GPR139: variants seen among roughly 807,000 people sequenced by gnomAD.
The protein encoded by GPR139 is G protein-coupled receptor 139, also known as probable G protein-coupled receptor 139.
In GPR139, 12 loss-of-function variants were observed where a neutral mutation model predicts 25.8. That is an observed-to-expected ratio of 0.47 (90% CI 0.30 to 0.75). The LOEUF is 0.75. Ranked by LOEUF, GPR139 falls within the 30% of genes least tolerant of loss-of-function variation. The probability of loss-of-function intolerance (pLI) is 0.07; values close to 1 mark genes in which losing one functional copy is unlikely to be tolerated. For synonymous variants in GPR139, 184 were observed against 179.9 expected, an observed-to-expected ratio of 1.02 and a Z score of -0.18; for missense variants, 380 against 450.2, an observed-to-expected ratio of 0.84 and a Z score of 1.41.
At chr16:20,070,234 C>A (rs562962699) in intron 1 of GPR139, among the ~76,000 whole-genome samples, 1 of 152,102 alleles carries the variant, frequency 6.6e-6, no homozygotes, top group Non-Finnish European at 1.5e-5. Flanking sequence ...AGGTATAGGT[C>A]GCAGAGGTGT....
Position 20,070,472 on chromosome 16 carries a change from G to A in GPR139, c.127+3018C>T, listed in dbSNP as rs139500068. ...AGGTGAAGAGTTCTTAAGTGGCAAA[G>A]CTGTACCCATATTTCACATTAGAAT... is the stretch of plus-strand genomic sequence containing the variant. On this transcript the variant is annotated intron_variant, in intron 1 of 1. Coordinates refer to ENST00000570682, the MANE Select transcript of GPR139 (RefSeq NM_001002911.4). 8.1e-4 allele frequency among the ~76,000 whole-genome samples: 124 copies of A among 152,312 alleles called. 2 individuals are homozygous for A. In the East Asian group the frequency reaches 0.02, roughly 24 times the overall value.
chr16:20,037,117 A>G (rs1446353083), intron 1 of GPR139, among the ~76,000 whole-genome samples: 1 of 152,180 alleles, frequency 6.6e-6, no homozygotes, highest in African/African-American at 2.4e-5. Context: ...ATGGGGTGGT[A>G]ACTTTTAGAT....
intron 1 of GPR139, among the ~76,000 whole-genome samples, chr16:20,059,176 G>C (rs961138314): frequency 6.6e-6 from 1 of 152,122 alleles, no homozygotes; most frequent in Non-Finnish European, 1.5e-5. Flanking sequence ...TCTTTGCTAA[G>C]CCCGTCTCAT....
chr16:20,033,309 G>A lies in GPR139; in HGVS notation c.128-640C>T, dbSNP rs571859035. ...ATCCTCATCTTAGGAATGAAGCTGG[G>A]GCTCTGAGAGCCTCACACAACCATG... On this transcript the variant is annotated intron_variant, in intron 1 of 1. Transcript: ENST00000570682. 3.3e-5 allele frequency among the ~76,000 whole-genome samples: 5 copies of A among 152,022 alleles called. No homozygotes were observed. In the South Asian group the frequency reaches 8.3e-4, roughly 25 times the overall value.
chr16:20,034,132 A>G (rs949499982), intron 1 of GPR139, among the ~76,000 whole-genome samples: 3 of 152,150 alleles, frequency 2.0e-5, no homozygotes, highest in Non-Finnish European at 4.4e-5. Flanking sequence ...AAATTTGAAC[A>G]CCGATAATGC....
At chr16:20,066,742 A>G (rs1406871705) in intron 1 of GPR139, among the ~76,000 whole-genome samples, 1 of 152,238 alleles carries the variant, frequency 6.6e-6, no homozygotes, top group African/African-American at 2.4e-5. Context: ...GGTTAATAGC[A>G]TTTATTGAAC....
intron 1 of GPR139, among the ~76,000 whole-genome samples, chr16:20,035,634 G>A (rs9929588): frequency 0.062 from 9,393 of 152,244 alleles, 382 homozygotes; most frequent in East Asian, 0.16. Context: ...TGTAGTGAAC[G>A]CTATGAAGGA....
Position 20,031,762 on chromosome 16 carries a change from A to T in GPR139, c.1035T>A (p.Asn345Lys). 6.2e-7 allele frequency: 1 copy of T among 1,614,096 alleles called. No homozygotes were observed. Among genetic ancestry groups the T allele is most frequent in the Non-Finnish European group, 8.5e-7 (1 of 1,180,008 alleles). ...IKMLVYQYDK[N>K]GKPIKVSP is the part of the protein sequence containing the mutation. ...ACGGGGATACTTTTATAGGTTTTCC[A>T]TTTTTGTCATACTGGTACACCAGCA... Residue 345 changes from asparagine (N) to lysine (K), a missense_variant, in exon 2 of 2, where the codon AAT (asparagine) becomes AAA (lysine). Asn to Lys is a moderately conservative substitution (Grantham distance 94, BLOSUM62 0). Coordinates refer to ENST00000570682, the MANE Select transcript of GPR139 (RefSeq NM_001002911.4).
chr16:20,073,775 G>A lies in GPR139; in HGVS notation c.-159C>T. 1.1e-6 allele frequency: 1 copy of A among 916,922 alleles called. No homozygotes were observed. Among genetic ancestry groups the A allele is most frequent in the Non-Finnish European group, 1.6e-6 (1 of 643,822 alleles). The allele number at this position is 916,922 out of a possible 1,614,324, so 56.8% of individuals were successfully genotyped here. A position where few individuals can be genotyped will look rare whatever the true frequency, so the allele number is the denominator to read the frequency against. Reference sequence around the variant, plus strand: ...CCTACCCTTGGCCGTGATCCCCTCTGCTCGCTCCGCACCTGCCCGCCTGGA... The same window carrying A: ...CCTACCCTTGGCCGTGATCCCCTCTACTCGCTCCGCACCTGCCCGCCTGGA... On this transcript the variant is annotated 5_prime_UTR_variant, in exon 1 of 2. Transcript: ENST00000570682. This position sits in a 1 kb window ranked among gnomAD's most constrained non-coding sequence, Gnocchi z 4.7.
chr16:20,051,308 C>T (rs1013146419), intron 1 of GPR139, among the ~76,000 whole-genome samples: 8 of 152,196 alleles, frequency 5.3e-5, no homozygotes, highest in African/African-American at 1.9e-4. Context: ...CCCTCCTCCG[C>T]GTCTTGGGTT....
rs2057285189 is a variant in GPR139 at position 20,030,826 on chromosome 16, A to C, written c.*909T>G. Among the ~76,000 whole-genome samples the C allele has an allele frequency of 6.6e-6, 1 of 152,212 alleles. No homozygotes were observed. The highest frequency in any genetic ancestry group is 2.4e-5 in the African/African-American group (1 of 41,462). On this transcript the variant is annotated 3_prime_UTR_variant, in exon 2 of 2. Coordinates refer to ENST00000570682, the MANE Select transcript of GPR139 (RefSeq NM_001002911.4). ...TGAGGGCCTCAGCAAGCAAGGAGGCAGGGTTGGCAACTTGACACGTAAAAA... is the reference window on the plus strand; with the variant it reads ...TGAGGGCCTCAGCAAGCAAGGAGGCCGGGTTGGCAACTTGACACGTAAAAA...
chr16:20,061,346 G>A (rs1363236163), intron 1 of GPR139, among the ~76,000 whole-genome samples: 1 of 151,812 alleles, frequency 6.6e-6, no homozygotes, highest in Non-Finnish European at 1.5e-5. Flanking sequence ...TGGGTGGATG[G>A]ATAGATGAAT....
At position 20,031,043 on chromosome 16, in the gene GPR139, A is replaced by T. The variant is rs2057285848; in HGVS notation, c.*692T>A. 6.6e-6 allele frequency among the ~76,000 whole-genome samples: 1 copy of T among 152,060 alleles called. No homozygotes were observed. Among genetic ancestry groups the T allele is most frequent in the Non-Finnish European group, 1.5e-5 (1 of 67,994 alleles). On this transcript the variant is annotated 3_prime_UTR_variant, in exon 2 of 2. Coordinates refer to ENST00000570682, the MANE Select transcript of GPR139 (RefSeq NM_001002911.4). ...TCTTTGTTTTGGAGGAGATAGAGAA[A>T]ATCTATACATAATGATAAATAGAAA...
At position 20,052,685 on chromosome 16, in the gene GPR139, C is replaced by T. The variant is rs569590588; in HGVS notation, c.128-20016G>A. On this transcript the variant is annotated intron_variant, in intron 1 of 1. Coordinates refer to ENST00000570682, the MANE Select transcript of GPR139 (RefSeq NM_001002911.4). The stretch of plus-strand genomic sequence containing the variant: ...GGTGGCGGGCACCAGTAGTCCCAGC[C>T]ACTCGGGAGGCTGAGGCAGGAGAAT... 1.8e-3 allele frequency among the ~76,000 whole-genome samples: 272 copies of T among 151,412 alleles called. 1 individual carries two copies. The highest frequency in any genetic ancestry group is 6.3e-3 in the African/African-American group (258 of 41,246).
In GPR139 at chr16:20,043,443, A is replaced by G. The variant is rs568856523; in HGVS notation, c.128-10774T>C. Among the ~76,000 whole-genome samples, 6 of 152,354 alleles carry G rather than the reference A, an allele frequency of 3.9e-5. No individual in the cohort carries two copies. In the South Asian group the frequency reaches 1.0e-3, roughly 26 times the overall value. ...CTTTGCGTAGATGAGATGATTTTAC[A>G]TGATTCACTGATGAACATATTTATT... On this transcript the variant is annotated intron_variant, in intron 1 of 1. Transcript: ENST00000570682.
chr16:20,044,096 A>G (rs2057345936), intron 1 of GPR139, among the ~76,000 whole-genome samples: 1 of 152,216 alleles, frequency 6.6e-6, no homozygotes, highest in Non-Finnish European at 1.5e-5. Context: ...ACCTCTTAGC[A>G]TGGAGCCTGG....
intron 1 of GPR139, among the ~76,000 whole-genome samples, chr16:20,068,953 G>A (rs1431542647): frequency 6.6e-6 from 1 of 151,502 alleles, no homozygotes; most frequent in Non-Finnish European, 1.5e-5. Context: ...AACCAGTGTT[G>A]TATTCCTGGG....
At chr16:20,071,689 T>G (rs1375926527) in intron 1 of GPR139, among the ~76,000 whole-genome samples, 1 of 152,164 alleles carries the variant, frequency 6.6e-6, no homozygotes, top group Non-Finnish European at 1.5e-5. Flanking sequence ...CTAGCTGGCA[T>G]AGGAGTTGGG....
chr16:20,037,249 C>A (rs1490359511), intron 1 of GPR139, among the ~76,000 whole-genome samples: 1 of 151,858 alleles, frequency 6.6e-6, no homozygotes, highest in African/African-American at 2.4e-5. Flanking sequence ...GTCAGGAGTT[C>A]CAGACCAGCC....
Sources: allele counts gnomAD v4.1 joint callset (sites outside exome capture counted in the v4.1 genomes callset), GRCh38; gene constraint gnomAD v4.1.1; non-coding constraint Gnocchi (gnomAD v3.1); transcripts MANE v1.5; gene names NCBI Gene and HGNC (gene_info 2026-07-23, HGNC 2026-07-21).